WWOX: variants seen among roughly 807,000 people sequenced by gnomAD.
WWOX encodes WW domain containing oxidoreductase, also known as WW domain-containing oxidoreductase.
In WWOX, 69 loss-of-function variants were observed where a neutral mutation model predicts 46.2. The ratio of observed to expected loss-of-function variants is 1.49; its 90% CI spans 1.23 to 1.82. The LOEUF (loss-of-function observed/expected upper bound fraction) is 1.82, where lower values mean the gene tolerates loss of function less well. Among genes scored for constraint, WWOX ranks in the 40% most tolerant of loss-of-function variants. The pLI is 0.00. For synonymous variants in WWOX, 359 were observed against 202.6 expected (o/e 1.77, Z -6.56); for missense variants, 919 against 542.6 (o/e 1.69, Z -6.89).
At chr16:79,008,484 C>T (rs7500296) in intron 8 of WWOX, among the ~76,000 whole-genome samples, 1,962 of 152,268 alleles carry the variant, frequency 0.013, 33 homozygotes, top group African/African-American at 0.043. Flanking sequence ...TCACAGTTGC[C>T]GCCCACACTC....
intron 8 of WWOX, among the ~76,000 whole-genome samples, chr16:78,819,782 T>G (rs2051442307): frequency 6.6e-6 from 1 of 152,198 alleles, no homozygotes; most frequent in African/African-American, 2.4e-5. Flanking sequence ...TCACAGCATT[T>G]TCATCCGTAA....
chr16:78,133,372 T>C (rs562350940), intron 4 of WWOX, among the ~76,000 whole-genome samples: 5 of 152,338 alleles, frequency 3.3e-5, no homozygotes, highest in African/African-American at 1.2e-4. Context: ...GAGATTCTCC[T>C]GCTTCAGCTT....
chr16:78,230,969 C>G (rs150721189), intron 5 of WWOX, among the ~76,000 whole-genome samples: 347 of 152,368 alleles, frequency 2.3e-3, no homozygotes, highest in African/African-American at 7.7e-3. Context: ...TAACAGGTAT[C>G]TTTATCCCTT....
At chr16:78,811,210 A>T (rs1056475240) in intron 8 of WWOX, among the ~76,000 whole-genome samples, 1 of 152,202 alleles carries the variant, frequency 6.6e-6, no homozygotes, top group African/African-American at 2.4e-5. Context: ...GATCTACCTT[A>T]TGTTGTATAC....
At chr16:78,588,061 G>T (rs1326196020) in intron 8 of WWOX, among the ~76,000 whole-genome samples, 2 of 152,188 alleles carry the variant, frequency 1.3e-5, no homozygotes, top group Admixed American at 6.5e-5. Flanking sequence ...TCCCTGGGTG[G>T]TGGTCACAGC....
At chr16:78,519,884 T>C (rs557186920) in intron 8 of WWOX, among the ~76,000 whole-genome samples, 6 of 152,316 alleles carry the variant, frequency 3.9e-5, no homozygotes, top group African/African-American at 1.4e-4. Flanking sequence ...ACCTAAGTTA[T>C]ACTATTTTGG....
intron 8 of WWOX, among the ~76,000 whole-genome samples, chr16:78,792,889 G>C (rs2050641284): frequency 1.3e-5 from 2 of 152,074 alleles, no homozygotes; most frequent in South Asian, 4.2e-4. Context: ...ACACTAGAAG[G>C]ACAGAGTGCT....
At chr16:78,189,999 C>T (rs1024575466) in intron 5 of WWOX, among the ~76,000 whole-genome samples, 2 of 152,212 alleles carry the variant, frequency 1.3e-5, no homozygotes, top group Non-Finnish European at 2.9e-5. Flanking sequence ...CCCACCCAAA[C>T]CTTTCCTATT....
chr16:78,724,708 G>A (rs922225133), intron 8 of WWOX, among the ~76,000 whole-genome samples: 2 of 152,062 alleles, frequency 1.3e-5, no homozygotes, highest in African/African-American at 2.4e-5. Context: ...ATTGAAGCTC[G>A]CACTCTGTAA....
chr16:78,560,065 G>A (rs2044397635), intron 8 of WWOX, among the ~76,000 whole-genome samples: 1 of 152,160 alleles, frequency 6.6e-6, no homozygotes. Context: ...TGGTTGTTAG[G>A]AGAAATTTAC....
At chr16:78,474,271 G>A (rs990033388) in intron 8 of WWOX, among the ~76,000 whole-genome samples, 1 of 152,156 alleles carries the variant, frequency 6.6e-6, no homozygotes, top group African/African-American at 2.4e-5. Flanking sequence ...GACATTTTAT[G>A]CTAAAGTTCT....
chr16:79,061,208 C>G (rs1488687377), intron 8 of WWOX, among the ~76,000 whole-genome samples: 2 of 152,140 alleles, frequency 1.3e-5, no homozygotes, highest in African/African-American at 4.8e-5. Flanking sequence ...ACTTGACTGC[C>G]TAAAATGTTA....
At chr16:78,653,749 A>G (rs2047018802) in intron 8 of WWOX, among the ~76,000 whole-genome samples, 1 of 152,182 alleles carries the variant, frequency 6.6e-6, no homozygotes, top group African/African-American at 2.4e-5. Flanking sequence ...CCGAACCTCC[A>G]CTGGTCATGA....
chr16:78,847,547 C>T (rs937377022), intron 8 of WWOX, among the ~76,000 whole-genome samples: 12 of 151,860 alleles, frequency 7.9e-5, no homozygotes, highest in Admixed American at 3.9e-4. Flanking sequence ...TTGCCCAGCT[C>T]AGTCTCAAAG....
At chr16:79,081,506 A>G (rs1461412087) in intron 8 of WWOX, among the ~76,000 whole-genome samples, 3 of 152,222 alleles carry the variant, frequency 2.0e-5, no homozygotes, top group Non-Finnish European at 4.4e-5. Context: ...GCGATGTGTT[A>G]TAACAGGACA....
At chr16:79,021,915 A>G (rs540198640) in intron 8 of WWOX, among the ~76,000 whole-genome samples, 4 of 152,220 alleles carry the variant, frequency 2.6e-5, no homozygotes, top group African/African-American at 4.8e-5. Context: ...GACCAACACC[A>G]GCAACTGTAT....
At chr16:78,327,945 T>A (rs183137239) in intron 5 of WWOX, among the ~76,000 whole-genome samples, 1 of 146,752 alleles carries the variant, frequency 6.8e-6, no homozygotes, top group Admixed American at 7.0e-5. Context: ...TGTACAATCT[T>A]GGCTCATGGC....
chr16:78,757,758 T>G (rs1567540183), intron 8 of WWOX, among the ~76,000 whole-genome samples: 1 of 151,978 alleles, frequency 6.6e-6, no homozygotes, highest in Non-Finnish European at 1.5e-5. Flanking sequence ...TAAATAATCT[T>G]TCTGATTGAC....
At chr16:78,738,144 T>C (rs778828269) in intron 8 of WWOX, among the ~76,000 whole-genome samples, 1 of 152,156 alleles carries the variant, frequency 6.6e-6, no homozygotes, top group Non-Finnish European at 1.5e-5. Flanking sequence ...AAAGTGACAT[T>C]TTTTAAGCCC....
Sources: gnomAD v4.1 joint callset for allele counts (sites outside exome capture counted in the v4.1 genomes callset) on GRCh38, gnomAD v4.1.1 for gene constraint, MANE v1.5 for transcripts, NCBI Gene and HGNC (gene_info 2026-07-23, HGNC 2026-07-21) for gene names.